Variants in PDE2A observed in about 807,000 individuals in gnomAD.
PDE2A encodes phosphodiesterase 2A, also known as cGMP-dependent 3',5'-cyclic phosphodiesterase.
Under a neutral mutation model 133.6 loss-of-function variants are expected in PDE2A, and 53 were observed. The ratio of observed to expected loss-of-function variants is 0.40; its 90% CI spans 0.32 to 0.50. The LOEUF (loss-of-function observed/expected upper bound fraction) is 0.50. Ranked by LOEUF, PDE2A falls within the 20% of genes least tolerant of loss-of-function variation. The pLI is 0.73. For missense variants in PDE2A, 796 were observed against 1,232.4 expected, an observed-to-expected ratio of 0.65 and a Z score of 5.30; for synonymous variants, 491 against 490.2, an observed-to-expected ratio of 1.00 and a Z score of -0.02.
At chr11:72,579,640 G>A in intron 25 of PDE2A, 32 bp from the exon 26 acceptor site, 3 of 1,476,820 alleles carry the variant, frequency 2.0e-6, no homozygotes, top group Non-Finnish European at 1.9e-6. Context: ...GGGCCCAGCT[G>A]GGGCAGATGG....
chr11:72,582,158 A>C (rs1855752715), intron 21 of PDE2A: 2 of 609,420 alleles, frequency 3.3e-6, no homozygotes, highest in Non-Finnish European at 5.8e-6. Context: ...AAGCCCACAC[A>C]AAATGTTAGA....
Position 72,590,130 on chromosome 11 carries a change from G to C in PDE2A, c.756+62C>G, listed in dbSNP as rs1856169657. 2 of 1,461,736 alleles carry C rather than the reference G, an allele frequency of 1.4e-6. No individual in the cohort carries two copies. Among genetic ancestry groups the C allele is most frequent in the Non-Finnish European group, 1.9e-6 (2 of 1,069,240 alleles). 90.5% of individuals were successfully genotyped at this position (1,461,736 alleles called of 1,614,324 possible). A position where few individuals can be genotyped will look rare whatever the true frequency, so the allele number is the denominator to read the frequency against. ...TGGAACTGAGATGGAGGGCTCAAGG[G>C]GAAGTTGGTCCCCGGAGGGAGACAG... On this transcript the variant is annotated intron_variant, in intron 9 of 30. Coordinates refer to ENST00000334456, the MANE Select transcript of PDE2A (RefSeq NM_002599.5). The surrounding 1 kb of genome is among the most constrained non-coding windows in gnomAD (Gnocchi z 4.8).
At chr11:72,654,558 G>A (rs920019324) in intron 1 of PDE2A, among the ~76,000 whole-genome samples, 4 of 151,338 alleles carry the variant, frequency 2.6e-5, no homozygotes, top group Admixed American at 1.3e-4. Context: ...GCCCTCCTCC[G>A]GCCACCACTG....
At chr11:72,594,512 C>A (rs921692370) in intron 6 of PDE2A, among the ~76,000 whole-genome samples, 1 of 152,148 alleles carries the variant, frequency 6.6e-6, no homozygotes, top group Non-Finnish European at 1.5e-5. Context: ...AGAGGAGAGG[C>A]AGATGTGAAT....
At chr11:72,599,381 G>A (rs1013138663) in intron 4 of PDE2A, among the ~76,000 whole-genome samples, 1 of 151,944 alleles carries the variant, frequency 6.6e-6, no homozygotes, top group Non-Finnish European at 1.5e-5. Context: ...AGGTGGCCCA[G>A]GGACCCCCAT....
At chr11:72,599,183 C>T (rs1480729194) in intron 4 of PDE2A, among the ~76,000 whole-genome samples, 1 of 152,172 alleles carries the variant, frequency 6.6e-6, no homozygotes, top group Non-Finnish European at 1.5e-5. Context: ...CCCCTCCCAC[C>T]CCTGGACTGG....
At chr11:72,612,275 CCACACACACACACACACACACACACA>C (rs55775130) in intron 2 of PDE2A, among the ~76,000 whole-genome samples, 2 of 124,268 alleles carry the variant, frequency 1.6e-5, no homozygotes, top group African/African-American at 2.8e-5. Context: ...CACATCACAT[CCACACACACACACACACACACACACA>C]CACACACACA....
At chr11:72,642,160 C>A (rs1858979802) in intron 2 of PDE2A, 94 bp downstream of exon 2, 1 of 1,339,988 alleles carries the variant, frequency 7.5e-7, no homozygotes, top group Admixed American at 4.0e-5. Flanking sequence ...GAGGAGGGGT[C>A]TCCTCCCTGA....
intron 1 of PDE2A, among the ~76,000 whole-genome samples, chr11:72,663,404 T>C (rs1422525190): frequency 1.3e-5 from 2 of 151,652 alleles, no homozygotes; most frequent in African/African-American, 4.8e-5. Flanking sequence ...CGCATATGAG[T>C]CCACTCAGGA....
At chr11:72,603,451 G>A (rs1175597229) in intron 4 of PDE2A, among the ~76,000 whole-genome samples, 1 of 152,202 alleles carries the variant, frequency 6.6e-6, no homozygotes, top group Non-Finnish European at 1.5e-5. Flanking sequence ...GGGAGCATGT[G>A]TGGGTCCTAG....
At position 72,674,196 on chromosome 11, in the gene PDE2A, T is replaced by C; in HGVS notation, c.12A>G (p.Ala4=). MGQ[A]CGHSILCRSQ... Reference sequence around the variant, plus strand: ...TCCTGCAGAGGATGGAGTGGCCGCATGCCTGCCCCATCACTCCTCATCGTC... The same window carrying C: ...TCCTGCAGAGGATGGAGTGGCCGCACGCCTGCCCCATCACTCCTCATCGTC... The change falls in exon 1 of 31, where the codon GCA becomes GCG. Residue 4 remains alanine (A), a synonymous_variant. Transcript: ENST00000334456. 2 of 1,611,010 alleles carry C rather than the reference T, an allele frequency of 1.2e-6. No individual in the cohort carries two copies.
chr11:72,650,861 G>C (rs113139275), intron 1 of PDE2A, among the ~76,000 whole-genome samples: 1 of 123,688 alleles, frequency 8.1e-6, no homozygotes, highest in East Asian at 2.4e-4. Flanking sequence ...CCTGACCCCT[G>C]ACCCCAGTCC....
At position 72,584,298 on chromosome 11, in the gene PDE2A, G is replaced by A; in HGVS notation, c.1553C>T (p.Ala518Val). ...CCCATTGATCTTGTTCACCAGCTCG[G>A]CCACACCGATGACCTCTGGGGAAGG... is the stretch of plus-strand genomic sequence containing the variant. ...KNENQEVIGV[A>V]ELVNKINGPW... Residue 518 changes from alanine (A) to valine (V), a missense_variant, in exon 19 of 31, where the codon GCC (alanine) becomes GTC (valine). Ala to Val is a moderately conservative substitution (Grantham distance 64). Transcript: ENST00000334456. 1 of 1,610,646 alleles carries A rather than the reference G, an allele frequency of 6.2e-7. No individual in the cohort carries two copies. Among genetic ancestry groups the A allele is most frequent in the Non-Finnish European group, 8.5e-7 (1 of 1,176,886 alleles).
At position 72,582,308 on chromosome 11, in the gene PDE2A, C is replaced by T. The variant is rs1217772188; in HGVS notation, c.1851+136G>A. ...GGCTTCCTGATGGCAGACTACAAGCCCCTCCATCTCTGAGGGACCCTCCAC... is the reference window on the plus strand; with the variant it reads ...GGCTTCCTGATGGCAGACTACAAGCTCCTCCATCTCTGAGGGACCCTCCAC... On this transcript the variant is annotated intron_variant, in intron 21 of 30. Transcript: ENST00000334456. 6 of 838,306 alleles carry T rather than the reference C, an allele frequency of 7.2e-6. No individual in the cohort carries two copies. In the Admixed American group the frequency reaches 1.0e-4, roughly 14 times the overall value. The allele number at this position is 838,306 out of a possible 1,614,324, so 51.9% of individuals were successfully genotyped here. A position where few individuals can be genotyped will look rare whatever the true frequency, so the allele number is the denominator to read the frequency against.
intron 6 of PDE2A, among the ~76,000 whole-genome samples, chr11:72,593,557 T>A (rs1416309765): frequency 6.6e-6 from 1 of 151,970 alleles, no homozygotes; most frequent in Non-Finnish European, 1.5e-5. Context: ...GAACACCCCA[T>A]CCCCGTGCAG....
intron 2 of PDE2A, among the ~76,000 whole-genome samples, chr11:72,628,516 G>C (rs58869244): frequency 6.6e-6 from 1 of 152,126 alleles, no homozygotes; most frequent in African/African-American, 2.4e-5. Context: ...ATTTTTAGTA[G>C]AGACAGGTTT....
chr11:72,613,070 C>T (rs1294076144), intron 2 of PDE2A, among the ~76,000 whole-genome samples: 2 of 152,184 alleles, frequency 1.3e-5, no homozygotes, highest in East Asian at 1.9e-4. Context: ...ACAAGACCAA[C>T]GCCCTTCCTG....
intron 4 of PDE2A, among the ~76,000 whole-genome samples, chr11:72,604,627 A>C (rs1311138330): frequency 1.3e-5 from 2 of 152,212 alleles, no homozygotes; most frequent in Non-Finnish European, 2.9e-5. Context: ...TCATTTGCCC[A>C]AGGTTACACA....
intron 19 of PDE2A, 76 bp from the exon 20 acceptor site, chr11:72,583,591 G>T: frequency 1.0e-6 from 1 of 993,728 alleles, no homozygotes; most frequent in Non-Finnish European, 1.6e-6. Context: ...CTGGGATGAA[G>T]GGGTCAAAAA....
Sources: gnomAD v4.1 joint callset for allele counts (sites outside exome capture counted in the v4.1 genomes callset) on GRCh38, gnomAD v4.1.1 for gene constraint, Gnocchi (gnomAD v3.1) non-coding constraint, MANE v1.5 for transcripts, NCBI Gene and HGNC (gene_info 2026-07-23, HGNC 2026-07-21) for gene names.